Variants in CRACD observed in about 807,000 individuals in gnomAD.
CRACD encodes capping protein-inhibiting regulator of actin dynamics.
Under a neutral mutation model 106.8 loss-of-function variants are expected in CRACD, and 56 were observed. That is an observed-to-expected ratio of 0.52 (90% CI 0.42 to 0.66). CRACD has a LOEUF of 0.66. CRACD is among the 30% of genes least tolerant of loss of function. CRACD has a pLI of 0.00. For synonymous variants in CRACD, 754 were observed against 670.8 expected (o/e 1.12, Z -1.92); for missense variants, 1,730 against 1,623.2 (o/e 1.07, Z -1.13).
At chr4:56,142,347 T>G (rs1167057043) in intron 1 of CRACD, among the ~76,000 whole-genome samples, 2 of 152,208 alleles carry the variant, frequency 1.3e-5, no homozygotes, top group Non-Finnish European at 2.9e-5. Context: ...TTAGGTTGAT[T>G]TATTTCTTTG....
chr4:56,267,686 C>T (rs931362113), intron 2 of CRACD, among the ~76,000 whole-genome samples: 6 of 152,054 alleles, frequency 3.9e-5, no homozygotes, highest in Admixed American at 2.6e-4. Context: ...GTTCTTTCAC[C>T]GTCCTGATAA....
At chr4:56,265,387 A>C (rs1741946291) in intron 2 of CRACD, among the ~76,000 whole-genome samples, 1 of 141,452 alleles carries the variant, frequency 7.1e-6, no homozygotes, top group Non-Finnish European at 1.5e-5. Context: ...CAGTGTACTC[A>C]GGGGTATAGA....
intron 1 of CRACD, among the ~76,000 whole-genome samples, chr4:56,080,589 T>C (rs1174918004): frequency 6.6e-6 from 1 of 152,366 alleles, no homozygotes; most frequent in African/African-American, 2.4e-5. Flanking sequence ...GTTTATCAGT[T>C]AGGCTCGGAT....
intron 1 of CRACD, among the ~76,000 whole-genome samples, chr4:56,061,187 T>C (rs1353396861): frequency 3.3e-5 from 5 of 152,322 alleles, no homozygotes; most frequent in African/African-American, 1.2e-4. Context: ...CTCTCTTTTT[T>C]TGAGGCAAGG....
rs759635335 is a variant in CRACD at position 56,315,398 on chromosome 4, C to T, written c.1896C>T (p.Ala632=). The T allele has an allele frequency of 6.2e-7, 1 of 1,613,038 alleles. No homozygotes were observed. The highest frequency in any genetic ancestry group is 8.5e-7 in the Non-Finnish European group (1 of 1,179,760). ...LGLEEKKHAE[A]PAGENPPRGP... Reference sequence around the variant, plus strand: ...TGGAGGAGAAGAAGCACGCGGAAGCCCCAGCTGGGGAGAACCCTCCCCGAG... The same window carrying T: ...TGGAGGAGAAGAAGCACGCGGAAGCTCCAGCTGGGGAGAACCCTCCCCGAG... Residue 632 remains alanine (A), a synonymous_variant, in exon 8 of 11, where the codon GCC becomes GCT. Transcript: ENST00000682029. The surrounding 1 kb of genome is among the most constrained non-coding windows in gnomAD (Gnocchi z 4.1).
chr4:56,134,526 C>G (rs1379221538), intron 1 of CRACD, among the ~76,000 whole-genome samples: 1 of 152,156 alleles, frequency 6.6e-6, no homozygotes, highest in East Asian at 1.9e-4. Context: ...GCAAGCAGCT[C>G]TGTCTGAGAG....
At chr4:56,302,016 T>C (rs1744398653) in intron 4 of CRACD, among the ~76,000 whole-genome samples, 1 of 152,092 alleles carries the variant, frequency 6.6e-6, no homozygotes, top group East Asian at 1.9e-4. Context: ...GAATACCATT[T>C]GAATGAGTGA....
chr4:56,244,958 C>T (rs1740601355), intron 2 of CRACD, among the ~76,000 whole-genome samples: 1 of 152,226 alleles, frequency 6.6e-6, no homozygotes, highest in African/African-American at 2.4e-5. Context: ...GCATTAATTA[C>T]CCACTGCTCC....
chr4:56,153,885 G>GGGT (rs1398318187), intron 1 of CRACD, among the ~76,000 whole-genome samples: 1 of 152,156 alleles, frequency 6.6e-6, no homozygotes, highest in African/African-American at 2.4e-5. Context: ...CTACTCAGAT[G>GGGT]GGTCTTCCCC....
chr4:56,242,953 G>T (rs140146990), intron 2 of CRACD, among the ~76,000 whole-genome samples: 1 of 152,162 alleles, frequency 6.6e-6, no homozygotes, highest in Non-Finnish European at 1.5e-5. Flanking sequence ...CCCCTAGAGC[G>T]CATGAGCCGC....
intron 2 of CRACD, among the ~76,000 whole-genome samples, chr4:56,213,409 G>A (rs149451350): frequency 0.016 from 2,424 of 152,200 alleles, 73 homozygotes; most frequent in African/African-American, 0.055. Context: ...TCACGCCATT[G>A]CACTCCAGCC....
At chr4:56,325,406 G>T (rs1746377009) in intron 10 of CRACD, among the ~76,000 whole-genome samples, 1 of 152,190 alleles carries the variant, frequency 6.6e-6, no homozygotes, top group South Asian at 2.1e-4. Flanking sequence ...CACCCGGGTT[G>T]GAAATGGAAA....
At chr4:56,146,056 C>T (rs1735367443) in intron 1 of CRACD, among the ~76,000 whole-genome samples, 1 of 152,162 alleles carries the variant, frequency 6.6e-6, no homozygotes, top group Non-Finnish European at 1.5e-5. Context: ...TATTCCTCTG[C>T]ATATACCGTT....
chr4:56,066,105 T>G (rs748492728), intron 1 of CRACD, among the ~76,000 whole-genome samples: 6 of 152,210 alleles, frequency 3.9e-5, no homozygotes, highest in African/African-American at 1.4e-4. Context: ...GATGGACATT[T>G]GGGTTGTTTC....
intron 2 of CRACD, among the ~76,000 whole-genome samples, chr4:56,196,779 C>T (rs1017861130): frequency 6.6e-6 from 1 of 151,924 alleles, no homozygotes; most frequent in Non-Finnish European, 1.5e-5. Flanking sequence ...TCAGACTCAC[C>T]TAACTAATAA....
chr4:56,120,948 A>G (rs1015098572), intron 1 of CRACD, among the ~76,000 whole-genome samples: 1 of 152,224 alleles, frequency 6.6e-6, no homozygotes, highest in African/African-American at 2.4e-5. Flanking sequence ...AGAACACAGC[A>G]TCAGTCAGCG....
intron 2 of CRACD, among the ~76,000 whole-genome samples, chr4:56,212,469 T>C (rs1362909128): frequency 1.3e-5 from 2 of 152,218 alleles, no homozygotes; most frequent in Non-Finnish European, 1.5e-5. Flanking sequence ...TTACTTTCAC[T>C]TTACTCTGTG....
chr4:56,247,380 A>G (rs1380123783), intron 2 of CRACD, among the ~76,000 whole-genome samples: 1 of 152,196 alleles, frequency 6.6e-6, no homozygotes, highest in Non-Finnish European at 1.5e-5. Flanking sequence ...TATATTAGCT[A>G]CTTTTCCAGA....
intron 2 of CRACD, among the ~76,000 whole-genome samples, chr4:56,225,780 A>T (rs891160880): frequency 1.3e-5 from 2 of 152,230 alleles, no homozygotes; most frequent in African/African-American, 4.8e-5. Context: ...AGTCTATCTA[A>T]TGTCTTCCTG....
Sources: allele counts gnomAD v4.1 joint callset (sites outside exome capture counted in the v4.1 genomes callset), GRCh38; gene constraint gnomAD v4.1.1; non-coding constraint Gnocchi (gnomAD v3.1); transcripts MANE v1.5; gene names NCBI Gene and HGNC (gene_info 2026-07-23, HGNC 2026-07-21).